The following MCM10 variants were observed in gnomAD, a reference collection of about 807,000 sequenced individuals.
MCM10 encodes minichromosome maintenance 10 replication initiation factor, also known as protein MCM10 homolog.
MCM10 carries 91 observed loss-of-function variants against 109.9 expected under a neutral mutation model. The ratio of observed to expected loss-of-function variants is 0.83; its 90% CI spans 0.70 to 0.99. The LOEUF (loss-of-function observed/expected upper bound fraction) is 0.99, where lower values mean the gene tolerates loss of function less well. Among genes scored for constraint, MCM10 ranks in the 50% least tolerant of loss-of-function variants. The pLI is 0.00. For missense variants in MCM10, 1,077 were observed against 1,061.2 expected, an observed-to-expected ratio of 1.01 and a Z score of -0.21; for synonymous variants, 380 against 387.2, an observed-to-expected ratio of 0.98 and a Z score of 0.22.
At chr10:13,170,796 C>A (rs1216315634) in intron 2 of MCM10, 126 bp from the exon 3 acceptor site, 3 of 700,032 alleles carry the variant, frequency 4.3e-6, no homozygotes, top group Non-Finnish European at 7.2e-6. Context: ...ACCCATCACC[C>A]AGGTAATGAG....
intron 9 of MCM10, among the ~76,000 whole-genome samples, chr10:13,187,772 A>G (rs1834293525): frequency 6.6e-6 from 1 of 152,176 alleles, no homozygotes; most frequent in African/African-American, 2.4e-5. Flanking sequence ...ACAGGAAAGA[A>G]TAAGGTGGGA....
Position 13,172,797 on chromosome 10 carries a change from C to T in MCM10, c.592+32C>T, listed in dbSNP as rs1564382132. On this transcript the variant is annotated intron_variant, in intron 5 of 19. Coordinates refer to ENST00000378714, the MANE Select transcript of MCM10 (RefSeq NM_018518.5). This position sits in a 1 kb window ranked among gnomAD's most constrained non-coding sequence, Gnocchi z 5.2. ...TACTTGCGGTCTCAGTATCTTGGCA[C>T]TATTGTATGTGTTTATGTGTGTGGG... 1.2e-6 allele frequency: 2 copies of T among 1,611,840 alleles called. No individual in the cohort carries two copies. The highest frequency in any genetic ancestry group is 2.2e-5 in the South Asian group (2 of 90,828).
Position 13,200,613 on chromosome 10 carries a change from T to C in MCM10, c.2239-808T>C, listed in dbSNP as rs534081168. Among the ~76,000 whole-genome samples, 31 of 152,302 alleles carry C rather than the reference T, an allele frequency of 2.0e-4. No homozygotes were observed. The South Asian group carries it at 6.4e-3, about 32-fold the overall frequency. On this transcript the variant is annotated intron_variant, in intron 16 of 19. Transcript: ENST00000378714. ...CTGTGGAACCCTTGGCCCCAGGCCC[T>C]CCTGTCTGTGGAGCAGCACTAATCC...
chr10:13,167,614 T>A (rs1470707257), intron 2 of MCM10, among the ~76,000 whole-genome samples: 1 of 151,882 alleles, frequency 6.6e-6, no homozygotes, highest in African/African-American at 2.4e-5. Flanking sequence ...ACACATATGA[T>A]GATCAGCACA....
At chr10:13,169,575 T>C (rs893293979) in intron 2 of MCM10, among the ~76,000 whole-genome samples, 2 of 152,206 alleles carry the variant, frequency 1.3e-5, no homozygotes, top group Non-Finnish European at 2.9e-5. Context: ...GATTACAGCG[T>C]ATTTAGTAGT....
intron 8 of MCM10, among the ~76,000 whole-genome samples, chr10:13,185,083 C>A (rs746619451): frequency 2.8e-4 from 42 of 152,162 alleles, no homozygotes; most frequent in Non-Finnish European, 4.9e-4. Flanking sequence ...TTGGGCAAAG[C>A]ACCTTAGGCA....
At chr10:13,186,599 C>T (rs988387866) in intron 9 of MCM10, among the ~76,000 whole-genome samples, 2 of 152,032 alleles carry the variant, frequency 1.3e-5, no homozygotes, top group Admixed American at 6.6e-5. Flanking sequence ...TGTATTTTAG[C>T]CTATATTTTA....
chr10:13,186,013 C>T (rs925058361), intron 8 of MCM10, 151 bp from the exon 9 acceptor site: 28 of 547,222 alleles, frequency 5.1e-5, no homozygotes, highest in African/African-American at 4.2e-4. Flanking sequence ...CCACCTGCCT[C>T]GGCCTCCCAG....
At position 13,198,730 on chromosome 10, in the gene MCM10, C is replaced by G. The variant is rs750943183; in HGVS notation, c.2161C>G (p.Gln721Glu). Residue 721 changes from glutamine to glutamate, a missense_variant, in exon 16 of 20, where the codon CAA becomes GAA. By Grantham distance (29) the Gln-to-Glu change is conservative. Coordinates refer to ENST00000378714, the MANE Select transcript of MCM10 (RefSeq NM_018518.5). ...LEPARKKRRE[Q>E]LAYLESEEFQ... ...GCCTGCCAGGAAAAAAAGGAGAGAA[C>G]AACTTGCCTATCTGGAATCTGAGGA... The G allele has an allele frequency of 6.2e-7, 1 of 1,613,972 alleles. No individual in the cohort carries two copies. The highest frequency in any genetic ancestry group is 8.5e-7 in the Non-Finnish European group (1 of 1,179,962).
At chr10:13,202,128 G>A in intron 17 of MCM10, among the ~76,000 whole-genome samples, 1 of 152,172 alleles carries the variant, frequency 6.6e-6, no homozygotes, top group Non-Finnish European at 1.5e-5. Context: ...GGATGTCAAG[G>A]CAGGAGGATC....
At position 13,182,421 on chromosome 10, in the gene MCM10, G is replaced by A. The variant is rs1319289983; in HGVS notation, c.931-512G>A. Among the ~76,000 whole-genome samples the A allele has an allele frequency of 1.3e-5, 2 of 152,002 alleles. No individual in the cohort carries two copies. Among genetic ancestry groups the A allele is most frequent in the African/African-American group, 4.8e-5 (2 of 41,376 alleles). On this transcript the variant is annotated intron_variant, in intron 7 of 19. Transcript: ENST00000378714. The surrounding 1 kb of genome is among the most constrained non-coding windows in gnomAD (Gnocchi z 4.2). ...AGCCCAGGAGTTGGAGTGAGCAACGGGACATGATTGCACCACTGCACTCCA... is the reference window on the plus strand; with the variant it reads ...AGCCCAGGAGTTGGAGTGAGCAACGAGACATGATTGCACCACTGCACTCCA...
At position 13,170,490 on chromosome 10, in the gene MCM10, G is replaced by A. The variant is rs564257709; in HGVS notation, c.8-432G>A. On this transcript the variant is annotated intron_variant, in intron 2 of 19. Transcript: ENST00000378714. The stretch of plus-strand genomic sequence containing the variant: ...GAATTTCATGGAAGTCGGTGTGCGG[G>A]AAGCTGTCTCATTGATTGGAGTAGA... Among the ~76,000 whole-genome samples, 8 of 152,226 alleles carry A rather than the reference G, an allele frequency of 5.3e-5. No individual in the cohort carries two copies. In the South Asian group the frequency reaches 1.7e-3, roughly 32 times the overall value.
chr10:13,185,846 G>C (rs1484238455), intron 8 of MCM10, among the ~76,000 whole-genome samples: 2 of 152,058 alleles, frequency 1.3e-5, no homozygotes, highest in South Asian at 4.2e-4. Context: ...TTTCAGCCTG[G>C]ACTTCCCAAG....
Position 13,189,008 on chromosome 10 carries a change from G to A in MCM10, c.1343G>A (p.Ser448Asn), listed in dbSNP as rs747007636. 14 of 1,614,138 alleles carry A rather than the reference G, an allele frequency of 8.7e-6. No individual in the cohort carries two copies. Among genetic ancestry groups the A allele is most frequent in the Non-Finnish European group, 1.1e-5 (13 of 1,180,056 alleles). ...AAGAAGTTTGCCCGCAGAGGCACCA[G>A]CCTCAAAGAACGGCTGTGCCAAGAT... is the stretch of plus-strand genomic sequence containing the variant. ...IPKKFARRGT[S>N]LKERLCQDGF... Residue 448 changes from serine to asparagine, a missense_variant, in exon 10 of 20, where the codon AGC (serine) becomes AAC (asparagine). Transcript: ENST00000378714.
intron 18 of MCM10, among the ~76,000 whole-genome samples, chr10:13,207,815 A>G (rs1345389524): frequency 6.6e-6 from 1 of 152,072 alleles, no homozygotes; most frequent in Non-Finnish European, 1.5e-5. Flanking sequence ...TAAATTACCC[A>G]GTCTTGGGTA....
In MCM10 at chr10:13,186,645, A is replaced by G. The variant is rs529856257; in HGVS notation, c.1215+365A>G. Among the ~76,000 whole-genome samples, 309 of 152,338 alleles carry G rather than the reference A, an allele frequency of 2.0e-3. 2 individuals carry two copies. The highest frequency in any genetic ancestry group is 6.8e-3 in the African/African-American group (284 of 41,574). ...ACCTTTTCTTAGGGCTTTTTAAAAAATAATAGCTTCATTTAGGTATAATTC... is the reference window on the plus strand; with the variant it reads ...ACCTTTTCTTAGGGCTTTTTAAAAAGTAATAGCTTCATTTAGGTATAATTC... On this transcript the variant is annotated intron_variant, in intron 9 of 19. Coordinates refer to ENST00000378714, the MANE Select transcript of MCM10 (RefSeq NM_018518.5).
rs1416613959 is a variant in MCM10 at position 13,172,858 on chromosome 10, G to A, written c.592+93G>A. 2.3e-6 allele frequency: 3 copies of A among 1,285,146 alleles called. No individual in the cohort carries two copies. Among genetic ancestry groups the A allele is most frequent in the African/African-American group, 3.1e-5 (2 of 65,314 alleles). The allele number at this position is 1,285,146 out of a possible 1,614,324, so 79.6% of individuals were successfully genotyped here. ...TGTGTGTGGGTGTCTGTGTCTTTTG[G>A]TCTGTCTTATGTCCCCATTGAGAAA... On this transcript the variant is annotated intron_variant, in intron 5 of 19. Transcript: ENST00000378714. The surrounding 1 kb of genome is among the most constrained non-coding windows in gnomAD (Gnocchi z 5.2).
In MCM10 at chr10:13,186,297, T is replaced by G; in HGVS notation, c.1215+17T>G. 1 of 1,507,392 alleles carries G rather than the reference T, an allele frequency of 6.6e-7. No individual in the cohort carries two copies. Among genetic ancestry groups the G allele is most frequent in the South Asian group, 1.1e-5 (1 of 88,536 alleles). 93.4% of individuals were successfully genotyped at this position (1,507,392 alleles called of 1,614,324 possible). The stretch of plus-strand genomic sequence containing the variant: ...GTGAATTTGGTTGGTTTCAGCCTTG[T>G]TAGGATGGTTTCTGCTAAAGAAAAG... On this transcript the variant is annotated intron_variant, in intron 9 of 19. Coordinates refer to ENST00000378714, the MANE Select transcript of MCM10 (RefSeq NM_018518.5).
At position 13,195,283 on chromosome 10, in the gene MCM10, C is replaced by A; in HGVS notation, c.1974+14C>A. Reference sequence around the variant, plus strand: ...GAAGCCAAAAAGGTAACTGGCATCTCTTCTCTTTAGCACTTGAGTTTGCAT... The same window carrying A: ...GAAGCCAAAAAGGTAACTGGCATCTATTCTCTTTAGCACTTGAGTTTGCAT... On this transcript the variant is annotated intron_variant, in intron 14 of 19. Transcript: ENST00000378714. 3 of 1,567,788 alleles carry A rather than the reference C, an allele frequency of 1.9e-6. No individual in the cohort carries two copies. Among genetic ancestry groups the A allele is most frequent in the African/African-American group, 1.3e-5 (1 of 74,234 alleles).
Sources: allele counts gnomAD v4.1 joint callset (sites outside exome capture counted in the v4.1 genomes callset), GRCh38; gene constraint gnomAD v4.1.1; non-coding constraint Gnocchi (gnomAD v3.1); transcripts MANE v1.5; gene names NCBI Gene and HGNC (gene_info 2026-07-23, HGNC 2026-07-21).